The following LINGO2 variants were observed in gnomAD, a reference collection of about 807,000 sequenced individuals.
The protein encoded by LINGO2 is leucine rich repeat and Ig domain containing 2, also known as leucine-rich repeat and immunoglobulin-like domain-containing nogo receptor-interacting protein 2.
LINGO2 carries 14 observed loss-of-function variants against 30.6 expected under a neutral mutation model. The observed-to-expected ratio is 0.46, with a 90% CI of 0.30 to 0.72. The LOEUF is 0.72. Ranked by LOEUF, LINGO2 falls within the 30% of genes least tolerant of loss-of-function variation. LINGO2 has a pLI of 0.07. For synonymous variants in LINGO2, 317 were observed against 288.5 expected, an observed-to-expected ratio of 1.10 and a Z score of -1.00; for missense variants, 729 against 751.7, an observed-to-expected ratio of 0.97 and a Z score of 0.35.
the LINGO2 span, among the ~76,000 whole-genome samples, chr9:28,778,894 TC>T: frequency 4.6e-5 from 7 of 152,182 alleles, no homozygotes; most frequent in Admixed American, 1.3e-4. Flanking sequence ...AGCATTAGAT[TC>T]TGAAAATATT....
intron 3 of LINGO2, among the ~76,000 whole-genome samples, chr9:28,324,535 T>C (rs868855193): frequency 4.6e-5 from 7 of 152,168 alleles, no homozygotes; most frequent in Non-Finnish European, 8.8e-5. Flanking sequence ...GTAAAGAATC[T>C]GCCAAAACCC....
At chr9:28,046,199 T>G (rs955851095) in intron 4 of LINGO2, among the ~76,000 whole-genome samples, 1 of 152,202 alleles carries the variant, frequency 6.6e-6, no homozygotes. Flanking sequence ...TTAGATGCAG[T>G]ATACGATTGA....
chr9:29,213,380 T>C, the LINGO2 span, among the ~76,000 whole-genome samples: 1 of 152,044 alleles, frequency 6.6e-6, no homozygotes, highest in Middle Eastern at 3.2e-3. Context: ...GAAGAGCCAC[T>C]CCAAGGCACA....
chr9:29,166,192 A>G, the LINGO2 span, among the ~76,000 whole-genome samples: 1 of 152,120 alleles, frequency 6.6e-6, no homozygotes, highest in Non-Finnish European at 1.5e-5. Context: ...TGGTTATTTA[A>G]AAATTCCACT....
the LINGO2 span, among the ~76,000 whole-genome samples, chr9:28,900,135 C>T: frequency 6.6e-6 from 1 of 151,980 alleles, no homozygotes; most frequent in Non-Finnish European, 1.5e-5. Flanking sequence ...CAGGCCAGTA[C>T]CCACCATACC....
chr9:28,982,435 G>A, the LINGO2 span, among the ~76,000 whole-genome samples: 5 of 152,020 alleles, frequency 3.3e-5, no homozygotes, highest in South Asian at 1.0e-3. Context: ...TGCAGATCAA[G>A]GCCACAAGTT....
chr9:29,152,206 A>G, the LINGO2 span, among the ~76,000 whole-genome samples: 1 of 152,172 alleles, frequency 6.6e-6, no homozygotes, highest in African/African-American at 2.4e-5. Flanking sequence ...ACACTTATAC[A>G]TTGTTTGTGG....
chr9:28,796,490 G>A, the LINGO2 span, among the ~76,000 whole-genome samples: 1 of 151,994 alleles, frequency 6.6e-6, no homozygotes, highest in Admixed American at 6.6e-5. Context: ...ATATAAATGA[G>A]TGCTTAATGA....
At chr9:29,122,968 C>A in the LINGO2 span, among the ~76,000 whole-genome samples, 1 of 152,112 alleles carries the variant, frequency 6.6e-6, no homozygotes, top group Non-Finnish European at 1.5e-5. Context: ...TTAAAATGTA[C>A]ATTTGCATTC....
At chr9:28,718,140 G>A in the LINGO2 span, among the ~76,000 whole-genome samples, 1 of 150,574 alleles carries the variant, frequency 6.6e-6, no homozygotes, top group Admixed American at 6.6e-5. Flanking sequence ...TGGGGGAGAT[G>A]AAAGTTAAGA....
the LINGO2 span, among the ~76,000 whole-genome samples, chr9:28,733,713 C>T: frequency 4.6e-5 from 7 of 152,196 alleles, no homozygotes; most frequent in South Asian, 1.5e-3. Flanking sequence ...AACCTCTGTG[C>T]CTTCCAAAGA....
At chr9:28,384,664 C>A (rs1032757771) in intron 2 of LINGO2, among the ~76,000 whole-genome samples, 23 of 151,932 alleles carry the variant, frequency 1.5e-4, no homozygotes, top group African/African-American at 5.5e-4. Context: ...CTTTTCTTTG[C>A]TCTTAGCAAT....
the LINGO2 span, among the ~76,000 whole-genome samples, chr9:28,703,466 G>A: frequency 6.6e-6 from 1 of 151,580 alleles, no homozygotes; most frequent in Non-Finnish European, 1.5e-5. Context: ...ACTCTGGTCT[G>A]AGAACAGACA....
chr9:29,032,096 T>C, the LINGO2 span, among the ~76,000 whole-genome samples: 43 of 152,294 alleles, frequency 2.8e-4, no homozygotes, highest in African/African-American at 9.6e-4. Flanking sequence ...TGTAGAGTAG[T>C]GCATAAACTT....
At chr9:27,959,497 C>T (rs1819734482) in intron 5 of LINGO2, among the ~76,000 whole-genome samples, 1 of 148,684 alleles carries the variant, frequency 6.7e-6, no homozygotes, top group South Asian at 2.1e-4. Flanking sequence ...TTTGTGCTTC[C>T]TTCTTTGTCC....
At chr9:29,144,400 A>T in the LINGO2 span, among the ~76,000 whole-genome samples, 1 of 152,154 alleles carries the variant, frequency 6.6e-6, no homozygotes, top group Non-Finnish European at 1.5e-5. Flanking sequence ...CGAATTTAAA[A>T]TTTAATCAGT....
At chr9:28,795,050 G>T in the LINGO2 span, among the ~76,000 whole-genome samples, 7 of 152,042 alleles carry the variant, frequency 4.6e-5, 1 homozygote, top group Admixed American at 3.9e-4. Context: ...AGGCTGGTCT[G>T]GATCTCCTGA....
chr9:29,194,101 T>A, the LINGO2 span, among the ~76,000 whole-genome samples: 98 of 152,256 alleles, frequency 6.4e-4, no homozygotes, highest in East Asian at 5.2e-3. Flanking sequence ...GTAAAATGGG[T>A]TGATCCCTCC....
At chr9:28,834,218 G>C in the LINGO2 span, among the ~76,000 whole-genome samples, 4 of 152,198 alleles carry the variant, frequency 2.6e-5, no homozygotes, top group Admixed American at 2.0e-4. Context: ...ACACTATGTA[G>C]CTGTTTTGGA....
Sources: allele counts gnomAD v4.1 joint callset (sites outside exome capture counted in the v4.1 genomes callset), GRCh38; gene constraint gnomAD v4.1.1; transcripts MANE v1.5; gene names NCBI Gene and HGNC (gene_info 2026-07-23, HGNC 2026-07-21).